SLC12A1: variants seen among roughly 807,000 people sequenced by gnomAD.
SLC12A1 encodes Na-K-2Cl cotransporter.
Under a neutral mutation model 130.4 loss-of-function variants are expected in SLC12A1, and 89 were observed. That is an observed-to-expected ratio of 0.68 (90% confidence interval 0.58 to 0.81). SLC12A1 has a LOEUF of 0.81. Ranked by LOEUF, SLC12A1 falls within the 40% of genes least tolerant of loss-of-function variation. SLC12A1 has a pLI of 0.00. For missense variants in SLC12A1, 1,310 were observed against 1,336.4 expected, an observed-to-expected ratio of 0.98 and a Z score of 0.31; for synonymous variants, 499 against 460.0, an observed-to-expected ratio of 1.08 and a Z score of -1.09.
At chr15:48,245,492 C>G (rs1422295016) in intron 11 of SLC12A1, among the ~76,000 whole-genome samples, 1 of 152,170 alleles carries the variant, frequency 6.6e-6, no homozygotes, top group East Asian at 1.9e-4. Flanking sequence ...CAATGTTTAG[C>G]TCCCACTTGT....
chr15:48,295,313 T>G (rs1275204937), intron 24 of SLC12A1, among the ~76,000 whole-genome samples: 1 of 152,168 alleles, frequency 6.6e-6, no homozygotes, highest in Non-Finnish European at 1.5e-5. Context: ...TTTCTTTGTC[T>G]CTTTACTTGT....
chr15:48,215,520 A>C (rs956118352), intron 2 of SLC12A1, among the ~76,000 whole-genome samples: 1 of 152,210 alleles, frequency 6.6e-6, no homozygotes, highest in Non-Finnish European at 1.5e-5. Context: ...TATGAAGGGA[A>C]AAACTGGTTT....
intron 17 of SLC12A1, among the ~76,000 whole-genome samples, chr15:48,260,455 C>A (rs2041762616): frequency 6.6e-6 from 1 of 151,640 alleles, no homozygotes; most frequent in Non-Finnish European, 1.5e-5. Flanking sequence ...AACCATTTTT[C>A]TTCAAAGCAT....
rs1179186702 is a variant in SLC12A1 at position 48,247,033 on chromosome 15, A to C, written c.1560+17A>C. The C allele has an allele frequency of 7.2e-6, 11 of 1,519,012 alleles. No individual in the cohort carries two copies. Among genetic ancestry groups the C allele is most frequent in the African/African-American group, 1.4e-5 (1 of 73,102 alleles). 94.1% of individuals were successfully genotyped at this position (1,519,012 alleles called of 1,614,324 possible). A position where few individuals can be genotyped will look rare whatever the true frequency, so the allele number is the denominator to read the frequency against. On this transcript the variant is annotated intron_variant, in intron 12 of 26. Coordinates refer to ENST00000380993, the MANE Select transcript of SLC12A1 (RefSeq NM_000338.3). ...GTGTTCCAGGTAATACAAGCACAAC[A>C]GCTTGTGCTTCTCCCTATTGCTATT...
intron 2 of SLC12A1, among the ~76,000 whole-genome samples, chr15:48,215,763 G>C (rs563040937): frequency 4.5e-4 from 68 of 152,330 alleles, no homozygotes; most frequent in African/African-American, 1.6e-3. Flanking sequence ...TGTCAGAACT[G>C]TAAGATGGCA....
intron 9 of SLC12A1, among the ~76,000 whole-genome samples, chr15:48,239,776 G>A (rs1224561825): frequency 2.0e-5 from 3 of 150,952 alleles, no homozygotes; most frequent in Non-Finnish European, 3.0e-5. Context: ...TCAGTCTCCC[G>A]AGCAGCTGGG....
At chr15:48,257,761 G>A (rs902880876) in intron 16 of SLC12A1, among the ~76,000 whole-genome samples, 1 of 152,202 alleles carries the variant, frequency 6.6e-6, no homozygotes, top group African/African-American at 2.4e-5. Context: ...CTCCAGGCCT[G>A]TGATGAGAGA....
chr15:48,220,556 T>G (rs967340911), intron 2 of SLC12A1, 78 bp from the exon 3 acceptor site: 2 of 1,361,314 alleles, frequency 1.5e-6, no homozygotes, highest in African/African-American at 2.9e-5. Flanking sequence ...TTCAATTGTT[T>G]TGATTTGCTT....
chr15:48,206,697 A>C (rs1260577596), intron 1 of SLC12A1, among the ~76,000 whole-genome samples: 1 of 152,204 alleles, frequency 6.6e-6, no homozygotes, highest in Admixed American at 6.5e-5. Context: ...ATTATTGTGA[A>C]GTCTATTCAC....
Position 48,226,518 on chromosome 15 carries a change from C to T in SLC12A1, c.671C>T (p.Ser224Phe). 1.2e-6 allele frequency: 2 copies of T among 1,608,114 alleles called. No individual in the cohort carries two copies. Among genetic ancestry groups the T allele is most frequent in the Non-Finnish European group, 1.7e-6 (2 of 1,177,736 alleles). ...ATTCTTCTTTCCACCATGGTAACTTCTATTACTGGGTTGTCAACTTCTGCG... is the reference window on the plus strand; with the variant it reads ...ATTCTTCTTTCCACCATGGTAACTTTTATTACTGGGTTGTCAACTTCTGCG... ...LIILLSTMVT[S>F]ITGLSTSAIA... is the part of the protein sequence containing the mutation. The change falls in exon 5 of 27, where the codon TCT (serine) becomes TTT (phenylalanine). Residue 224 changes from serine to phenylalanine, a missense_variant. Transcript: ENST00000380993.
rs554458312 is a variant in SLC12A1 at position 48,217,502 on chromosome 15, A to T, written c.421-3132A>T. Among the ~76,000 whole-genome samples, 18 of 152,328 alleles carry T rather than the reference A, an allele frequency of 1.2e-4. No homozygotes were observed. The South Asian group carries it at 3.7e-3, about 32-fold the overall frequency. On this transcript the variant is annotated intron_variant, in intron 2 of 26. Transcript: ENST00000380993. Reference sequence around the variant, plus strand: ...AGGACTGAGGATATCTAAGATTAACATATTCCTCAGGTAATTAAAAGCTAA... The same window carrying T: ...AGGACTGAGGATATCTAAGATTAACTTATTCCTCAGGTAATTAAAAGCTAA...
chr15:48,209,635 CACCCGAG>C (rs1340254691), intron 2 of SLC12A1, among the ~76,000 whole-genome samples: 1 of 152,162 alleles, frequency 6.6e-6, no homozygotes, highest in African/African-American at 2.4e-5. Context: ...TGATCATCCA[CACCCGAG>C]AGTCTAGGAA....
intron 19 of SLC12A1, 102 bp downstream of exon 19, chr15:48,269,866 C>T: frequency 1.7e-6 from 1 of 589,256 alleles, no homozygotes. Context: ...ATTAAATTGC[C>T]TGAGAAGAGT....
intron 4 of SLC12A1, chr15:48,226,175 T>G (rs2041283248): frequency 3.5e-6 from 1 of 288,192 alleles, no homozygotes; most frequent in Non-Finnish European, 6.3e-6. Context: ...AAATGTCATG[T>G]TTTCTCTTTT....
intron 11 of SLC12A1, among the ~76,000 whole-genome samples, chr15:48,245,331 G>A (rs527277328): frequency 6.6e-6 from 1 of 152,142 alleles, no homozygotes; most frequent in Non-Finnish European, 1.5e-5. Context: ...AGATTTGGGG[G>A]TATTACAACA....
rs2041340842 is a variant in SLC12A1 at position 48,229,415 on chromosome 15, C to A, written c.864+87C>A. On this transcript the variant is annotated intron_variant, in intron 6 of 26. Coordinates refer to ENST00000380993, the MANE Select transcript of SLC12A1 (RefSeq NM_000338.3). ...AGGGCACTAAGGGATATCATTACAG[C>A]TAAATGAGAGGAAAAAAGTTAAATA... 9 of 1,330,558 alleles carry A rather than the reference C, an allele frequency of 6.8e-6. No individual in the cohort carries two copies. The South Asian group carries it at 1.1e-4, about 17-fold the overall frequency. The allele number at this position is 1,330,558 out of a possible 1,614,324, so 82.4% of individuals were successfully genotyped here.
chr15:48,301,502 T>TGCGGA, intron 26 of SLC12A1, 120 bp downstream of exon 26: 5 of 429,444 alleles, frequency 1.2e-5, no homozygotes, highest in Non-Finnish European at 1.8e-5. Context: ...GTGTTTTTTT[T>TGCGGA]GGGGGGGGGA....
At chr15:48,294,623 T>C (rs2042155897) in intron 24 of SLC12A1, among the ~76,000 whole-genome samples, 2 of 152,200 alleles carry the variant, frequency 1.3e-5, no homozygotes, top group Admixed American at 1.3e-4. Flanking sequence ...AGAACTTCCA[T>C]TCTCTATGTC....
At position 48,269,717 on chromosome 15, in the gene SLC12A1, G is replaced by A; in HGVS notation, c.2355G>A (p.Trp785Ter). Residue 785 changes from tryptophan (W) to a stop codon, truncating the protein, a stop_gained, in exon 19 of 27, where the codon TGG (tryptophan) becomes TGA (stop). Coordinates refer to ENST00000380993, the MANE Select transcript of SLC12A1 (RefSeq NM_000338.3). LOFTEE classifies it high-confidence loss of function. ...TGGTGATTGGATATAAGAAAAACTG[G>A]AGGAAAGCTCCCTTGACAGAGATTG... ...NTLVIGYKKNWRKAPLTEIEN... is the reference protein window; with the variant it reads ...NTLVIGYKKN 6.2e-7 allele frequency: 1 copy of A among 1,612,088 alleles called. No individual in the cohort carries two copies. The highest frequency in any genetic ancestry group is 1.1e-5 in the South Asian group (1 of 90,946).
Sources: gnomAD v4.1 joint callset for allele counts (sites outside exome capture counted in the v4.1 genomes callset) on GRCh38, gnomAD v4.1.1 for gene constraint, MANE v1.5 for transcripts, NCBI Gene and HGNC (gene_info 2026-07-23, HGNC 2026-07-21) for gene names.